The following RAB31 variants were observed in gnomAD, a reference collection of about 807,000 sequenced individuals.
RAB31 encodes the protein ras-related protein Rab-31.
Under a neutral mutation model 25.6 loss-of-function variants are expected in RAB31, and 21 were observed. That is an observed-to-expected ratio of 0.82 (90% CI 0.58 to 1.18). The LOEUF is 1.18. Ranked by LOEUF, RAB31 falls within the 50% of genes most tolerant of loss-of-function variation. The pLI is 0.00. For missense variants in RAB31, 196 were observed against 250.1 expected, an observed-to-expected ratio of 0.78 and a Z score of 1.46; for synonymous variants, 87 against 84.0, an observed-to-expected ratio of 1.04 and a Z score of -0.20.
In RAB31 at chr18:9,814,191, G is replaced by A. The variant is rs1209706539; in HGVS notation, c.273+100G>A. The stretch of plus-strand genomic sequence containing the variant: ...TCACTGCTTGCATCTTGCCAGTAGC[G>A]TGCCACTATATATTGAGTTTATTTC... On this transcript the variant is annotated intron_variant, in intron 4 of 6. Coordinates refer to ENST00000578921, the MANE Select transcript of RAB31 (RefSeq NM_006868.4). 1.5e-5 allele frequency: 12 copies of A among 815,036 alleles called. 1 individual carries two copies. The highest frequency in any genetic ancestry group is 9.0e-5 in the South Asian group (6 of 66,486). The allele number at this position is 815,036 out of a possible 1,614,324, so 50.5% of individuals were successfully genotyped here.
chr18:9,839,487 T>A (rs2267554), intron 5 of RAB31, among the ~76,000 whole-genome samples: 6,743 of 152,074 alleles, frequency 0.044, 207 homozygotes, highest in East Asian at 0.11. Flanking sequence ...GGAAAGGCAA[T>A]TGCGGGTGTC....
At chr18:9,744,101 T>C (rs1410813526) in intron 1 of RAB31, among the ~76,000 whole-genome samples, 1 of 152,260 alleles carries the variant, frequency 6.6e-6, no homozygotes, top group African/African-American at 2.4e-5. Context: ...CTTTAGTTTT[T>C]CTCTTTTTAT....
intron 5 of RAB31, among the ~76,000 whole-genome samples, chr18:9,821,139 A>G (rs1378516473): frequency 1.3e-5 from 2 of 152,122 alleles, no homozygotes; most frequent in African/African-American, 4.8e-5. Context: ...TTAATAGCAT[A>G]TGCAATTCCC....
chr18:9,730,704 G>A (rs1020240535), intron 1 of RAB31, among the ~76,000 whole-genome samples: 5 of 152,252 alleles, frequency 3.3e-5, no homozygotes, highest in African/African-American at 1.2e-4. Context: ...AGTGTGTGAA[G>A]TGACAGCAGA....
chr18:9,798,400 C>A (rs1443729813), intron 3 of RAB31, among the ~76,000 whole-genome samples: 3 of 152,076 alleles, frequency 2.0e-5, no homozygotes, highest in Non-Finnish European at 4.4e-5. Flanking sequence ...AATGATGTTG[C>A]CTAATGTTTG....
intron 1 of RAB31, among the ~76,000 whole-genome samples, chr18:9,752,580 G>A (rs1424448769): frequency 6.6e-6 from 1 of 152,226 alleles, no homozygotes; most frequent in African/African-American, 2.4e-5. Flanking sequence ...GAGGGCAGCT[G>A]CAGCTTTCAT....
At chr18:9,725,689 T>G (rs1262491950) in intron 1 of RAB31, among the ~76,000 whole-genome samples, 1 of 152,236 alleles carries the variant, frequency 6.6e-6, no homozygotes, top group African/African-American at 2.4e-5. Context: ...ATTTAATAAT[T>G]TTATTGAATA....
At chr18:9,800,767 T>G (rs1475880039) in intron 3 of RAB31, among the ~76,000 whole-genome samples, 1 of 150,778 alleles carries the variant, frequency 6.6e-6, no homozygotes, top group Non-Finnish European at 1.5e-5. Context: ...TATCAGTATG[T>G]GGAGTATGAC....
intron 3 of RAB31, among the ~76,000 whole-genome samples, chr18:9,806,125 C>A (rs928393958): frequency 6.6e-6 from 1 of 151,312 alleles, no homozygotes; most frequent in Admixed American, 6.6e-5. Flanking sequence ...TGCAGTGAGC[C>A]GAGATGGCGC....
chr18:9,826,331 G>C (rs1336466987), intron 5 of RAB31, among the ~76,000 whole-genome samples: 1 of 152,062 alleles, frequency 6.6e-6, no homozygotes, highest in African/African-American at 2.4e-5. Flanking sequence ...AGCTGAGATC[G>C]CACCACTGCA....
intron 3 of RAB31, among the ~76,000 whole-genome samples, chr18:9,794,733 T>C (rs962448030): frequency 6.6e-6 from 1 of 152,092 alleles, no homozygotes; most frequent in Non-Finnish European, 1.5e-5. Flanking sequence ...AAGAATCACT[T>C]GAACCCGGGA....
intron 1 of RAB31, among the ~76,000 whole-genome samples, chr18:9,756,684 G>A (rs1057152463): frequency 3.9e-5 from 6 of 152,180 alleles, no homozygotes; most frequent in Admixed American, 1.3e-4. Flanking sequence ...GTGTTGATAC[G>A]ATAGACTCTG....
intron 2 of RAB31, among the ~76,000 whole-genome samples, chr18:9,790,535 A>C (rs1343144920): frequency 4.6e-5 from 7 of 152,134 alleles, no homozygotes; most frequent in African/African-American, 7.2e-5. Flanking sequence ...ACCACACCTG[A>C]CCAAATATAT....
Position 9,771,374 on chromosome 18 carries a change from C to T in RAB31, c.40-3904C>T, listed in dbSNP as rs559550567. On this transcript the variant is annotated intron_variant, in intron 1 of 6. Coordinates refer to ENST00000578921, the MANE Select transcript of RAB31 (RefSeq NM_006868.4). ...GGCCTGTGGTATTCTCAGAATCTTA[C>T]GAAATGGAATAATATATACATAGAT... is the stretch of plus-strand genomic sequence containing the variant. Among the ~76,000 whole-genome samples the T allele has an allele frequency of 3.3e-5, 5 of 152,212 alleles. No homozygotes were observed. In the South Asian group the frequency reaches 6.2e-4, roughly 19 times the overall value.
At chr18:9,832,676 T>C (rs1361277341) in intron 5 of RAB31, among the ~76,000 whole-genome samples, 1 of 152,162 alleles carries the variant, frequency 6.6e-6, no homozygotes, top group East Asian at 1.9e-4. Flanking sequence ...GGACAAGGAC[T>C]TGGCAATGGT....
At chr18:9,850,828 C>A (rs556972076) in intron 6 of RAB31, among the ~76,000 whole-genome samples, 23 of 151,942 alleles carry the variant, frequency 1.5e-4, no homozygotes, top group African/African-American at 1.9e-4. Context: ...ACTGTGCCAC[C>A]GCCCTGCAGC....
intron 1 of RAB31, among the ~76,000 whole-genome samples, chr18:9,744,778 G>T (rs1293663517): frequency 6.6e-6 from 1 of 152,142 alleles, no homozygotes; most frequent in Non-Finnish European, 1.5e-5. Context: ...ACCTTGAGAT[G>T]AATGAAGACA....
intron 1 of RAB31, among the ~76,000 whole-genome samples, chr18:9,728,362 A>C (rs1259537921): frequency 6.6e-6 from 1 of 152,220 alleles, no homozygotes; most frequent in Non-Finnish European, 1.5e-5. Flanking sequence ...CGTGAATGAA[A>C]TGTATTTGTG....
intron 1 of RAB31, among the ~76,000 whole-genome samples, chr18:9,726,431 T>A (rs1599013752): frequency 6.6e-6 from 1 of 152,266 alleles, no homozygotes; most frequent in East Asian, 1.9e-4. Flanking sequence ...AATCATGTAA[T>A]CTCTGGGGCT....
Sources: allele counts gnomAD v4.1 joint callset (sites outside exome capture counted in the v4.1 genomes callset), GRCh38; gene constraint gnomAD v4.1.1; transcripts MANE v1.5; gene names NCBI Gene and HGNC (gene_info 2026-07-23, HGNC 2026-07-21).